THSD7A: variants seen among roughly 807,000 people sequenced by gnomAD.
THSD7A encodes thrombospondin type 1 domain containing 7A.
A neutral mutation model predicts 231.3 loss-of-function variants in THSD7A; 96 were observed. The ratio of observed to expected loss-of-function variants is 0.41; its 90% CI spans 0.35 to 0.49. The LOEUF (loss-of-function observed/expected upper bound fraction) is 0.49, where lower values mean the gene tolerates loss of function less well. Ranked by LOEUF, THSD7A falls within the 20% of genes least tolerant of loss-of-function variation. The probability of loss-of-function intolerance (pLI) is 0.05; values close to 1 mark genes in which losing one functional copy is unlikely to be tolerated. For missense variants in THSD7A, 2,290 were observed against 2,070.2 expected (o/e 1.11, Z -2.06); for synonymous variants, 940 against 743.3 (o/e 1.26, Z -4.30).
intron 19 of THSD7A, among the ~76,000 whole-genome samples, chr7:11,407,882 T>C (rs1159965307): frequency 1.3e-5 from 2 of 152,210 alleles, no homozygotes; most frequent in Non-Finnish European, 2.9e-5. Flanking sequence ...CATAAATTCA[T>C]ACTCAAAACT....
chr7:11,426,394 C>T (rs569336925), intron 15 of THSD7A, among the ~76,000 whole-genome samples: 4 of 152,056 alleles, frequency 2.6e-5, no homozygotes, highest in Non-Finnish European at 5.9e-5. Flanking sequence ...CACTGCCTGT[C>T]GAGATTAGCG....
intron 6 of THSD7A, among the ~76,000 whole-genome samples, chr7:11,514,643 A>T (rs1204190236): frequency 6.6e-6 from 1 of 152,162 alleles, no homozygotes; most frequent in Non-Finnish European, 1.5e-5. Context: ...TTTAAGATTT[A>T]TGATATATAA....
intron 1 of THSD7A, among the ~76,000 whole-genome samples, chr7:11,710,997 A>G (rs1405207072): frequency 6.6e-6 from 1 of 150,952 alleles, no homozygotes; most frequent in Non-Finnish European, 1.5e-5. Flanking sequence ...CTATTAAATA[A>G]TGTGTCTATT....
In THSD7A at chr7:11,474,376, ACTTTTCTTGT is replaced by A; in HGVS notation, c.2200_2209del (p.Thr734SerfsTer25). ...GCCCACATTGACTCGCACACAGATG[ACTTTTCTTGT>A]CTGCATGCCGACAGAGCAGGAGGCC... is the stretch of plus-strand genomic sequence containing the variant. On this transcript the variant is annotated frameshift_variant, in exon 8 of 28. Transcript: ENST00000423059. LOFTEE classifies it high-confidence loss of function. This position sits in a 1 kb window ranked among gnomAD's most constrained non-coding sequence, Gnocchi z 4.1. 6.2e-7 allele frequency: 1 copy of A among 1,613,398 alleles called. No individual in the cohort carries two copies.
chr7:11,475,243 C>G (rs1051494387), intron 7 of THSD7A, among the ~76,000 whole-genome samples: 1 of 151,984 alleles, frequency 6.6e-6, no homozygotes, highest in Non-Finnish European at 1.5e-5. Context: ...CTAACGTTTC[C>G]TGCTATTGTA....
rs1583951283 is a variant in THSD7A at position 11,548,111 on chromosome 7, A to T, written c.1454-4994T>A. Among the ~76,000 whole-genome samples the T allele has an allele frequency of 2.6e-5, 4 of 152,164 alleles. No individual in the cohort carries two copies. The East Asian group carries it at 7.7e-4, about 29-fold the overall frequency. On this transcript the variant is annotated intron_variant, in intron 4 of 27. Transcript: ENST00000423059. ...GAATAAATAAGATTGATAGATTGCT[A>T]GCTAGACTAATAAAGAAAAAAGAGA...
At chr7:11,593,842 A>C (rs1425149081) in intron 2 of THSD7A, among the ~76,000 whole-genome samples, 1 of 152,226 alleles carries the variant, frequency 6.6e-6, no homozygotes, top group Non-Finnish European at 1.5e-5. Context: ...AAGAACTGTT[A>C]ACATATGCTA....
rs1166710187 is a variant in THSD7A at position 11,446,721 on chromosome 7, G to A, written c.2801-397C>T. ...ATATTTTTAGGTTGCTTTTGCCATT[G>A]GCAATATTTCAAATGCACCAAGCTT... On this transcript the variant is annotated intron_variant, in intron 12 of 27. Coordinates refer to ENST00000423059, the MANE Select transcript of THSD7A (RefSeq NM_015204.3). This position sits in a 1 kb window ranked among gnomAD's most constrained non-coding sequence, Gnocchi z 4.0. Among the ~76,000 whole-genome samples the A allele has an allele frequency of 6.6e-6, 1 of 151,994 alleles. No homozygotes were observed. Among genetic ancestry groups the A allele is most frequent in the Non-Finnish European group, 1.5e-5 (1 of 67,986 alleles).
intron 19 of THSD7A, among the ~76,000 whole-genome samples, chr7:11,408,338 A>T (rs1401694289): frequency 1.3e-5 from 2 of 152,020 alleles, no homozygotes; most frequent in African/African-American, 4.8e-5. Flanking sequence ...CTACTAAAAA[A>T]AATATAAAAA....
chr7:11,510,888 C>G (rs1299076968), intron 6 of THSD7A, among the ~76,000 whole-genome samples: 1 of 152,068 alleles, frequency 6.6e-6, no homozygotes, highest in African/African-American at 2.4e-5. Flanking sequence ...CAGGGATGCC[C>G]TCTCTCACCT....
chr7:11,378,584 T>G (rs1045895196), intron 26 of THSD7A: 2 of 158,874 alleles, frequency 1.3e-5, no homozygotes, highest in African/African-American at 4.8e-5. Context: ...GTATGCTGAC[T>G]TTTAGGGCTA....
At chr7:11,443,358 T>C (rs1784863488) in intron 13 of THSD7A, among the ~76,000 whole-genome samples, 1 of 152,102 alleles carries the variant, frequency 6.6e-6, no homozygotes, top group South Asian at 2.1e-4. Context: ...AGAAAGAGAA[T>C]TTATATTTTT....
intron 13 of THSD7A, among the ~76,000 whole-genome samples, chr7:11,442,554 C>G (rs7796686): frequency 0.16 from 24,575 of 151,844 alleles, 2,611 homozygotes; most frequent in African/African-American, 0.3. Flanking sequence ...ATCTAGAAAG[C>G]TGATTTGGCT....
chr7:11,639,951 A>G (rs145512817), intron 1 of THSD7A, among the ~76,000 whole-genome samples: 8 of 152,328 alleles, frequency 5.3e-5, no homozygotes, highest in Non-Finnish European at 8.8e-5. Flanking sequence ...TTAGCAAAAA[A>G]TCTTGGCTTA....
Position 11,411,420 on chromosome 7 carries a change from G to T in THSD7A, c.3683-98C>A. 2 of 763,746 alleles carry T rather than the reference G, an allele frequency of 2.6e-6. No homozygotes were observed. The highest frequency in any genetic ancestry group is 2.2e-6 in the Non-Finnish European group (1 of 463,080). 47.3% of individuals were successfully genotyped at this position (763,746 alleles called of 1,614,324 possible). A position where few individuals can be genotyped will look rare whatever the true frequency, so the allele number is the denominator to read the frequency against. On this transcript the variant is annotated intron_variant, in intron 18 of 27. Coordinates refer to ENST00000423059, the MANE Select transcript of THSD7A (RefSeq NM_015204.3). The surrounding 1 kb of genome is among the most constrained non-coding windows in gnomAD (Gnocchi z 4.1). ...TGAATCCCATATTTAATTCACAACT[G>T]CTTCCTAAGCCCCATAATCAATCAT...
chr7:11,531,899 A>G (rs188741558), intron 6 of THSD7A, among the ~76,000 whole-genome samples: 110 of 152,324 alleles, frequency 7.2e-4, no homozygotes, highest in Non-Finnish European at 7.1e-4. Context: ...CATGTGCCAG[A>G]TTCAGTATGT....
chr7:11,700,769 A>G (rs1185816412), intron 1 of THSD7A, among the ~76,000 whole-genome samples: 2 of 151,148 alleles, frequency 1.3e-5, no homozygotes, highest in Admixed American at 1.3e-4. Flanking sequence ...TGCCTTATCT[A>G]TCTAATAAGT....
At position 11,520,106 on chromosome 7, in the gene THSD7A, C is replaced by A. The variant is rs186051883; in HGVS notation, c.1822+21313G>T. On this transcript the variant is annotated intron_variant, in intron 6 of 27. Coordinates refer to ENST00000423059, the MANE Select transcript of THSD7A (RefSeq NM_015204.3). ...ATCTGCACCCTCTCTGTCAAAGCTT[C>A]CTGATCATCACAGCTGGAAACAATC... The A allele has an allele frequency of 1.1e-4, 16 of 152,288 alleles. No homozygotes were observed. In the East Asian group the frequency reaches 3.1e-3, roughly 29 times the overall value. The allele number at this position is 152,288 out of a possible 1,614,324, so 9.4% of individuals were successfully genotyped here.
chr7:11,470,059 C>A, intron 8 of THSD7A, 65 bp from the exon 9 acceptor site: 3 of 1,189,324 alleles, frequency 2.5e-6, no homozygotes, highest in Non-Finnish European at 3.6e-6. Context: ...AATTTAATTT[C>A]TCTAGAATTT....
Sources: allele counts gnomAD v4.1 joint callset (sites outside exome capture counted in the v4.1 genomes callset), GRCh38; gene constraint gnomAD v4.1.1; non-coding constraint Gnocchi (gnomAD v3.1); transcripts MANE v1.5; gene names NCBI Gene and HGNC (gene_info 2026-07-23, HGNC 2026-07-21).